Variants in PTPRO observed in about 807,000 individuals in gnomAD.
PTPRO encodes receptor-type tyrosine-protein phosphatase O.
A neutral mutation model predicts 145.2 loss-of-function variants in PTPRO; 62 were observed. The ratio of observed to expected loss-of-function variants is 0.43; its 90% CI spans 0.35 to 0.53. PTPRO has a LOEUF of 0.53. Among genes scored for constraint, PTPRO ranks in the 20% least tolerant of loss-of-function variants. The probability of loss-of-function intolerance (pLI) is 0.01; values close to 1 mark genes in which losing one functional copy is unlikely to be tolerated. For synonymous variants in PTPRO, 565 were observed against 514.7 expected (o/e 1.10, Z -1.32); for missense variants, 1,345 against 1,482.7 (o/e 0.91, Z 1.53).
At chr12:15,580,901 C>T (rs917807547) in intron 22 of PTPRO, 70 bp downstream of exon 22, 23 of 1,574,836 alleles carry the variant, frequency 1.5e-5, no homozygotes, top group Admixed American at 1.7e-5. Context: ...TGATGAAATG[C>T]TTGCTGTTTT....
chr12:15,488,527 A>G (rs1226389817), intron 2 of PTPRO, among the ~76,000 whole-genome samples: 1 of 152,224 alleles, frequency 6.6e-6, no homozygotes, highest in Admixed American at 6.5e-5. Context: ...AGCTTTTTAA[A>G]CAAGTTTGGA....
At chr12:15,330,922 T>C (rs1250260241) in intron 1 of PTPRO, among the ~76,000 whole-genome samples, 1 of 152,114 alleles carries the variant, frequency 6.6e-6, no homozygotes, top group Non-Finnish European at 1.5e-5. Context: ...TAAGACATGG[T>C]AGGTTTGGTG....
At chr12:15,575,280 C>G (rs1466123816) in intron 19 of PTPRO, among the ~76,000 whole-genome samples, 1 of 152,186 alleles carries the variant, frequency 6.6e-6, no homozygotes, top group East Asian at 1.9e-4. Flanking sequence ...GCTTGAATCT[C>G]AGGTTCCACA....
chr12:15,368,144 A>G (rs1303782943), intron 1 of PTPRO, among the ~76,000 whole-genome samples: 2 of 152,044 alleles, frequency 1.3e-5, no homozygotes, highest in East Asian at 3.9e-4. Flanking sequence ...CCTACTTAAC[A>G]CCTGGTTCAC....
In PTPRO at chr12:15,581,571, G is replaced by T; in HGVS notation, c.3133-108G>T. The T allele has an allele frequency of 3.8e-6, 5 of 1,315,266 alleles. No individual in the cohort carries two copies. The South Asian group carries it at 4.8e-5, about 13-fold the overall frequency. 81.5% of individuals were successfully genotyped at this position (1,315,266 alleles called of 1,614,324 possible). A position where few individuals can be genotyped will look rare whatever the true frequency, so the allele number is the denominator to read the frequency against. On this transcript the variant is annotated intron_variant, in intron 22 of 26. Transcript: ENST00000281171. ...TGCTTTATGTTTCATCTTCACCACG[G>T]TCCTATCTAATTCTTTAGAGGCGAA...
chr12:15,567,366 C>T (rs1258048966), intron 18 of PTPRO, among the ~76,000 whole-genome samples: 9 of 151,994 alleles, frequency 5.9e-5, no homozygotes, highest in African/African-American at 2.2e-4. Context: ...TTCCATCCTT[C>T]CTTTCCATCA....
chr12:15,347,199 T>C (rs1005197472), intron 1 of PTPRO, among the ~76,000 whole-genome samples: 6 of 152,304 alleles, frequency 3.9e-5, no homozygotes, highest in Middle Eastern at 3.4e-3. Context: ...CCATCCTTAA[T>C]TGGCTATCTG....
intron 1 of PTPRO, among the ~76,000 whole-genome samples, chr12:15,399,179 G>A (rs1939423201): frequency 6.6e-6 from 1 of 152,034 alleles, no homozygotes; most frequent in South Asian, 2.1e-4. Context: ...ATTTCACAGG[G>A]GTACTTTGAG....
intron 2 of PTPRO, among the ~76,000 whole-genome samples, chr12:15,487,343 G>A (rs760755116): frequency 6.6e-6 from 1 of 152,042 alleles, no homozygotes; most frequent in African/African-American, 2.4e-5. Context: ...TATTAGTGCA[G>A]GACTCTGGTC....
chr12:15,567,110 A>G lies in PTPRO; in HGVS notation c.2747+1482A>G, dbSNP rs75409528. ...AAGAAGGAGAAGCAAGACCCAGACA[A>G]AAGATAGGGTAGAGATTAGGAGTGG... On this transcript the variant is annotated intron_variant, in intron 18 of 26. Coordinates refer to ENST00000281171, the MANE Select transcript of PTPRO (RefSeq NM_030667.3). 1.4e-3 allele frequency among the ~76,000 whole-genome samples: 208 copies of G among 152,306 alleles called. 2 individuals are homozygous for G. The East Asian group carries it at 0.038, about 28-fold the overall frequency.
intron 12 of PTPRO, among the ~76,000 whole-genome samples, chr12:15,527,659 C>G (rs1211725878): frequency 6.6e-6 from 1 of 152,154 alleles, no homozygotes; most frequent in Non-Finnish European, 1.5e-5. Context: ...CTTTCTTTTT[C>G]AGGACAGGCA....
At chr12:15,433,510 A>C (rs1020359674) in intron 1 of PTPRO, among the ~76,000 whole-genome samples, 1 of 152,126 alleles carries the variant, frequency 6.6e-6, no homozygotes, top group Non-Finnish European at 1.5e-5. Flanking sequence ...TTAAGTCTTT[A>C]ATCCATCTTG....
chr12:15,345,955 C>G (rs1056125733), intron 1 of PTPRO, among the ~76,000 whole-genome samples: 4 of 152,138 alleles, frequency 2.6e-5, no homozygotes, highest in African/African-American at 7.2e-5. Flanking sequence ...GAGCCTCTCT[C>G]ATAAGTTTTA....
chr12:15,441,614 CAAAGA>C (rs1239586101), intron 1 of PTPRO, among the ~76,000 whole-genome samples: 3 of 151,792 alleles, frequency 2.0e-5, no homozygotes, highest in Non-Finnish European at 4.4e-5. Context: ...ACTAGATTAA[CAAAGA>C]AAAGAAGAGA....
chr12:15,399,803 C>A (rs1467937196), intron 1 of PTPRO, among the ~76,000 whole-genome samples: 1 of 151,836 alleles, frequency 6.6e-6, no homozygotes, highest in Non-Finnish European at 1.5e-5. Flanking sequence ...GTAATCCCAG[C>A]ACTTTGGGAG....
At chr12:15,565,709 A>T in intron 18 of PTPRO, 81 bp downstream of exon 18, 2 of 1,053,822 alleles carry the variant, frequency 1.9e-6, no homozygotes, top group Non-Finnish European at 2.9e-6. Flanking sequence ...GCTTGTCTTC[A>T]AAGAGAAGGG....
intron 1 of PTPRO, among the ~76,000 whole-genome samples, chr12:15,435,267 C>T (rs867256897): frequency 5.9e-5 from 9 of 152,024 alleles, no homozygotes; most frequent in Admixed American, 1.3e-4. Context: ...AATGATGACC[C>T]GTAAGTCATG....
intron 1 of PTPRO, among the ~76,000 whole-genome samples, chr12:15,423,830 A>C (rs184052695): frequency 1.3e-5 from 2 of 152,316 alleles, no homozygotes; most frequent in East Asian, 3.9e-4. Context: ...CTCCACTTAG[A>C]TGACTCAGAG....
At chr12:15,509,494 C>G (rs1270191843) in intron 7 of PTPRO, among the ~76,000 whole-genome samples, 3 of 151,468 alleles carry the variant, frequency 2.0e-5, no homozygotes, top group African/African-American at 7.3e-5. Context: ...GTCAGGAGTT[C>G]GAGACCAGCC....
Sources: gnomAD v4.1 joint callset for allele counts (sites outside exome capture counted in the v4.1 genomes callset) on GRCh38, gnomAD v4.1.1 for gene constraint, MANE v1.5 for transcripts, NCBI Gene and HGNC (gene_info 2026-07-23, HGNC 2026-07-21) for gene names.